KDR: variants seen among roughly 807,000 people sequenced by gnomAD.
KDR encodes the protein kinase insert domain receptor, also known as vascular endothelial growth factor receptor 2.
KDR carries 43 observed loss-of-function variants against 160.9 expected under a neutral mutation model. The ratio of observed to expected loss-of-function variants is 0.27; its 90% CI spans 0.21 to 0.34. The LOEUF (loss-of-function observed/expected upper bound fraction) is 0.34, where lower values mean the gene tolerates loss of function less well. Among genes scored for constraint, KDR ranks in the 10% least tolerant of loss-of-function variants. The pLI is 1.00. For missense variants in KDR, 1,469 were observed against 1,666.4 expected (o/e 0.88, Z 2.06); for synonymous variants, 617 against 600.1 (o/e 1.03, Z -0.41).
intron 3 of KDR, among the ~76,000 whole-genome samples, chr4:55,115,910 A>G (rs1362522514): frequency 2.6e-5 from 4 of 152,236 alleles, no homozygotes; most frequent in Non-Finnish European, 5.9e-5. Context: ...ATCCCAAAGG[A>G]TCTTTAGATT....
chr4:55,097,833 G>C, intron 17 of KDR, 67 bp from the exon 18 acceptor site: 1 of 1,124,194 alleles, frequency 8.9e-7, no homozygotes, highest in East Asian at 2.4e-5. Flanking sequence ...GTGATACGCA[G>C]AGACATCAAC....
rs774314168 is a variant in KDR, at chr4:55,110,669, G to A, written c.1076C>T (p.Pro359Leu). 1 of 1,613,694 alleles carries A rather than the reference G, an allele frequency of 6.2e-7. No individual in the cohort carries two copies. The highest frequency in any genetic ancestry group is 8.5e-7 in the Non-Finnish European group (1 of 1,179,838). ...RIPAKYLGYP[P>L]PEIKWYKNGI... Reference sequence around the variant, plus strand: ...CAGTAGTTACCATTTTATTTCTGGGGGTGGGTAACCAAGGTACTTCGCAGG... The same window carrying A: ...CAGTAGTTACCATTTTATTTCTGGGAGTGGGTAACCAAGGTACTTCGCAGG... Residue 359 changes from proline (P) to leucine (L), a missense_variant, in exon 8 of 30, where the codon CCC (proline) becomes CTC (leucine). By Grantham distance (98) the Pro-to-Leu change is moderately conservative (BLOSUM62 -3). This residue lies in a region of KDR where 792 missense variants were observed against 840.9 expected (regional missense o/e 0.94). Transcript: ENST00000263923.
chr4:55,089,194 A>G (rs1719944076), intron 25 of KDR, among the ~76,000 whole-genome samples, 180 bp downstream of exon 25: 2 of 152,208 alleles, frequency 1.3e-5, no homozygotes, highest in Admixed American at 1.3e-4. Context: ...GCTTTGAATA[A>G]TAAAGTACTA....
At chr4:55,098,660 C>G (rs2110017960) in intron 16 of KDR, 37 bp downstream of exon 16, 1 of 1,482,508 alleles carries the variant, frequency 6.7e-7, no homozygotes, top group African/African-American at 1.4e-5. Context: ...ATCATGAAAA[C>G]CAATGTGCAT....
At chr4:55,083,885 G>A (rs1308970789) in intron 27 of KDR, among the ~76,000 whole-genome samples, 1 of 152,186 alleles carries the variant, frequency 6.6e-6, no homozygotes, top group Non-Finnish European at 1.5e-5. Flanking sequence ...ATGATACACA[G>A]GGTGCAAGCA....
chr4:55,098,497 C>A lies in KDR; in HGVS notation c.2373+200G>T, dbSNP rs566375714. Among the ~76,000 whole-genome samples, 9 of 152,248 alleles carry A rather than the reference C, an allele frequency of 5.9e-5. No individual in the cohort carries two copies. In the East Asian group the frequency reaches 1.7e-3, roughly 29 times the overall value. ...TTAATTACACTAGACAGTCCAAGCC[C>A]TTTTCCTCTCTAGTGGCTTCTATCA... is the stretch of plus-strand genomic sequence containing the variant. On this transcript the variant is annotated intron_variant, in intron 16 of 29. Coordinates refer to ENST00000263923, the MANE Select transcript of KDR (RefSeq NM_002253.4).
chr4:55,101,818 G>C (rs970083110), intron 15 of KDR, 79 bp downstream of exon 15: 10 of 1,262,034 alleles, frequency 7.9e-6, no homozygotes, highest in Non-Finnish European at 1.1e-5. Context: ...CAGCTGCAAA[G>C]GACATGATCA....
chr4:55,104,616 C>A (rs1720391947), intron 13 of KDR, 27 bp downstream of exon 13: 14 of 1,585,694 alleles, frequency 8.8e-6, no homozygotes, highest in Non-Finnish European at 1.2e-5. Flanking sequence ...ACTGCCTCTG[C>A]ACAATGATCC....
intron 27 of KDR, among the ~76,000 whole-genome samples, chr4:55,086,557 G>C (rs1379069849): frequency 6.6e-6 from 1 of 152,216 alleles, no homozygotes; most frequent in Non-Finnish European, 1.5e-5. Context: ...GCCTGACTCT[G>C]AGTGTCATGA....
In KDR at chr4:55,084,906, G is replaced by C. The variant is rs1719821533; in HGVS notation, c.3663-2271C>G. 2.0e-5 allele frequency among the ~76,000 whole-genome samples: 3 copies of C among 152,308 alleles called. No homozygotes were observed. In the South Asian group the frequency reaches 6.2e-4, roughly 32 times the overall value. The stretch of plus-strand genomic sequence containing the variant: ...ATGAAACAGACAAAAAGTGCAGAAA[G>C]GACAGTCCCACTGCAAACAGTCTAA... On this transcript the variant is annotated intron_variant, in intron 27 of 29. Transcript: ENST00000263923.
At chr4:55,105,158 AT>A (rs1720413933) in intron 12 of KDR, among the ~76,000 whole-genome samples, 174 bp from the exon 13 acceptor site, 2 of 152,160 alleles carry the variant, frequency 1.3e-5, no homozygotes, top group Non-Finnish European at 2.9e-5. Flanking sequence ...AAAATATCTT[AT>A]TTGGCCAAAC....
intron 15 of KDR, among the ~76,000 whole-genome samples, chr4:55,099,931 C>T (rs1176164713): frequency 6.6e-6 from 1 of 152,128 alleles, no homozygotes; most frequent in Non-Finnish European, 1.5e-5. Flanking sequence ...TTTCAAATCA[C>T]TCATGAAAGG....
At chr4:55,110,589 AT>A in intron 8 of KDR, 23 bp from the exon 9 acceptor site, 1 of 1,613,286 alleles carries the variant, frequency 6.2e-7, no homozygotes, top group Non-Finnish European at 8.5e-7. Context: ...ATTCTCAGGA[AT>A]TAGTATAGTC....
chr4:55,110,010 A>G (rs186649281), intron 9 of KDR, among the ~76,000 whole-genome samples: 1 of 152,300 alleles, frequency 6.6e-6, no homozygotes, highest in Non-Finnish European at 1.5e-5. Context: ...ACATCAAACT[A>G]GAAGCTTTGC....
chr4:55,110,739 T>G lies in KDR; in HGVS notation c.1006A>C (p.Met336Leu). 6.2e-7 allele frequency: 1 copy of G among 1,610,968 alleles called. No individual in the cohort carries two copies. Among genetic ancestry groups the G allele is most frequent in the Non-Finnish European group, 8.5e-7 (1 of 1,179,420 alleles). The change falls in exon 8 of 30, where the codon ATG (methionine) becomes CTG (leucine). Residue 336 changes from methionine to leucine, a missense_variant. By Grantham distance (15) the Met-to-Leu change is conservative. Coordinates refer to ENST00000263923, the MANE Select transcript of KDR (RefSeq NM_002253.4). ...ACCGTGGCTTCCACCAGAGATTCCA[T>G]GCCACTTCCAAAAGCAACAAAAGGT... ...EKPFVAFGSG[M>L]ESLVEATVGE... is the part of the protein sequence containing the mutation.
intron 3 of KDR, among the ~76,000 whole-genome samples, chr4:55,117,536 A>G (rs1720765122): frequency 6.6e-6 from 1 of 152,178 alleles, no homozygotes; most frequent in African/African-American, 2.4e-5. Flanking sequence ...ATCCAGTGGC[A>G]TAGGTTATTT....
In KDR at chr4:55,081,821, T is replaced by C. The variant is rs1719740713; in HGVS notation, c.3848+135A>G. ...TATTGTGTGGTTAGTTTCCATTCTT[T>C]ATTTGTTAAATTGATGCTAATTTCT... is the stretch of plus-strand genomic sequence containing the variant. On this transcript the variant is annotated intron_variant, in intron 29 of 29. Transcript: ENST00000263923. The C allele has an allele frequency of 6.1e-6, 4 of 656,312 alleles. No homozygotes were observed. In the South Asian group the frequency reaches 7.0e-5, roughly 11 times the overall value. 40.7% of individuals were successfully genotyped at this position (656,312 alleles called of 1,614,324 possible). A position where few individuals can be genotyped will look rare whatever the true frequency, so the allele number is the denominator to read the frequency against.
In KDR at chr4:55,090,037, C is replaced by T. The variant is rs147630437; in HGVS notation, c.3111G>A (p.Ser1037=). 80 of 1,613,876 alleles carry T rather than the reference C, an allele frequency of 5.0e-5. No individual in the cohort carries two copies. Among genetic ancestry groups the T allele is most frequent in the Non-Finnish European group, 5.9e-5 (70 of 1,179,936 alleles). The change falls in exon 23 of 30, where the codon TCG becomes TCA. Residue 1037 remains serine, a synonymous_variant. Transcript: ENST00000263923. ...RDLAARNILL[S]EKNVVKICDF... is the part of the protein sequence containing the mutation. ...CACAGATTTTAACCACGTTCTTCTC[C>T]GATAAGAGGATATTTCGTGCCGCCA...
chr4:55,103,494 G>A (rs1051173918), intron 13 of KDR, among the ~76,000 whole-genome samples: 2 of 152,148 alleles, frequency 1.3e-5, no homozygotes, highest in East Asian at 3.9e-4. Flanking sequence ...GCACAGCTAG[G>A]CCAGGAGCCT....
Sources: gnomAD v4.1 joint callset for allele counts (sites outside exome capture counted in the v4.1 genomes callset) on GRCh38, gnomAD v4.1.1 for gene constraint, gnomAD v4.1.1 regional missense constraint, MANE v1.5 for transcripts, NCBI Gene and HGNC (gene_info 2026-07-23, HGNC 2026-07-21) for gene names.